The following PDZD2 variants were observed in gnomAD, a reference collection of about 807,000 sequenced individuals.
PDZD2 encodes the protein PDZ domain containing 2.
A neutral mutation model predicts 220.7 loss-of-function variants in PDZD2; 90 were observed. The ratio of observed to expected loss-of-function variants is 0.41; its 90% CI spans 0.34 to 0.49. The LOEUF (loss-of-function observed/expected upper bound fraction) is 0.49. Ranked by LOEUF, PDZD2 falls within the 20% of genes least tolerant of loss-of-function variation. The probability of loss-of-function intolerance (pLI) is 0.28; values close to 1 mark genes in which losing one functional copy is unlikely to be tolerated. For missense variants in PDZD2, 3,174 were observed against 3,608.5 expected (o/e 0.88, Z 3.08); for synonymous variants, 1,375 against 1,450.5 (o/e 0.95, Z 1.18).
intron 1 of PDZD2, among the ~76,000 whole-genome samples, chr5:31,758,454 G>GC (rs1393064349): frequency 6.6e-6 from 1 of 152,176 alleles, no homozygotes; most frequent in Non-Finnish European, 1.5e-5. Flanking sequence ...GCACGTCCAG[G>GC]CCCTACCCTG....
Position 32,010,499 on chromosome 5 carries a change from T to C in PDZD2, c.1407+17T>C. The C allele has an allele frequency of 1.3e-6, 2 of 1,588,818 alleles. No individual in the cohort carries two copies. The highest frequency in any genetic ancestry group is 1.7e-6 in the Non-Finnish European group (2 of 1,160,132). ...CAGAGAGCAGTAAGTGGCTCTGTGC[T>C]CCTGGCTTTCTGTTGGAATTACTTT... On this transcript the variant is annotated intron_variant, in intron 6 of 24. Coordinates refer to ENST00000438447, the MANE Select transcript of PDZD2 (RefSeq NM_178140.4).
chr5:31,656,959 A>G (rs1194973357), intron 1 of PDZD2, among the ~76,000 whole-genome samples: 1 of 152,168 alleles, frequency 6.6e-6, no homozygotes, highest in Admixed American at 6.5e-5. Context: ...AACCCGATAC[A>G]CTGGAGAAGG....
chr5:31,833,600 C>A (rs1756755919), intron 2 of PDZD2, among the ~76,000 whole-genome samples: 2 of 145,742 alleles, frequency 1.4e-5, no homozygotes, highest in African/African-American at 5.1e-5. Flanking sequence ...TGCGCCATTG[C>A]ACTCCAGCCT....
At chr5:31,893,778 A>G (rs1741277843) in intron 2 of PDZD2, among the ~76,000 whole-genome samples, 1 of 152,212 alleles carries the variant, frequency 6.6e-6, no homozygotes, top group South Asian at 2.1e-4. Context: ...TCTGTGTGCT[A>G]CAGTTACTAA....
At chr5:31,660,623 C>G (rs187185841) in intron 1 of PDZD2, among the ~76,000 whole-genome samples, 3 of 152,232 alleles carry the variant, frequency 2.0e-5, no homozygotes, top group Admixed American at 1.3e-4. Flanking sequence ...ATCATGAGAA[C>G]AGCAGCATGG....
chr5:32,015,378 C>G (rs2112109292), intron 6 of PDZD2, among the ~76,000 whole-genome samples: 1 of 152,278 alleles, frequency 6.6e-6, no homozygotes, highest in Non-Finnish European at 1.5e-5. Context: ...TCCTGAGTAG[C>G]TGGGAGTACA....
At chr5:31,723,576 G>C (rs1011509239) in intron 1 of PDZD2, among the ~76,000 whole-genome samples, 12 of 152,152 alleles carry the variant, frequency 7.9e-5, no homozygotes, top group East Asian at 3.9e-4. Flanking sequence ...CCTAGAGTGA[G>C]AGTGTTGTCT....
intron 17 of PDZD2, among the ~76,000 whole-genome samples, chr5:32,072,604 G>A (rs905357491): frequency 3.3e-5 from 5 of 152,148 alleles, no homozygotes; most frequent in Non-Finnish European, 4.4e-5. Context: ...GGTGGCACGC[G>A]CCTGTAATCC....
At chr5:31,798,688 G>A (rs1321813760) in intron 1 of PDZD2, among the ~76,000 whole-genome samples, 1 of 152,176 alleles carries the variant, frequency 6.6e-6, no homozygotes, top group Non-Finnish European at 1.5e-5. Context: ...GTGTTCCAGA[G>A]GCGTCTGTCT....
At chr5:31,949,673 T>C (rs1454526276) in intron 2 of PDZD2, among the ~76,000 whole-genome samples, 1 of 150,654 alleles carries the variant, frequency 6.6e-6, no homozygotes, top group Non-Finnish European at 1.5e-5. Context: ...TTTAGCTTTT[T>C]TTTTTTTTTT....
chr5:31,925,413 A>G (rs966525524), intron 2 of PDZD2, among the ~76,000 whole-genome samples: 2 of 152,212 alleles, frequency 1.3e-5, no homozygotes, highest in African/African-American at 4.8e-5. Context: ...AGCCATATGC[A>G]GAAGAATGAA....
At chr5:31,757,637 T>A (rs1346040783) in intron 1 of PDZD2, among the ~76,000 whole-genome samples, 1 of 151,226 alleles carries the variant, frequency 6.6e-6, no homozygotes, top group Non-Finnish European at 1.5e-5. Flanking sequence ...CAGTGGCTAG[T>A]GTGGCTAATT....
chr5:31,797,289 A>T (rs1328475705), intron 1 of PDZD2, among the ~76,000 whole-genome samples: 1 of 151,156 alleles, frequency 6.6e-6, no homozygotes, highest in Non-Finnish European at 1.5e-5. Flanking sequence ...AACTGTGACT[A>T]ACATCCTGAA....
At chr5:31,773,924 A>G (rs1172029828) in intron 1 of PDZD2, among the ~76,000 whole-genome samples, 2 of 152,186 alleles carry the variant, frequency 1.3e-5, no homozygotes, top group Non-Finnish European at 2.9e-5. Flanking sequence ...CCCGCTTTAC[A>G]GACATCAGGA....
intron 5 of PDZD2, among the ~76,000 whole-genome samples, chr5:32,008,982 C>T (rs183509950): frequency 2.0e-5 from 3 of 151,940 alleles, no homozygotes; most frequent in Non-Finnish European, 4.4e-5. Context: ...AGTATGGCAT[C>T]AGAGTGGGTT....
At chr5:31,869,867 C>A (rs1024539042) in intron 2 of PDZD2, among the ~76,000 whole-genome samples, 5 of 152,262 alleles carry the variant, frequency 3.3e-5, no homozygotes, top group South Asian at 2.1e-4. Context: ...AGGGGTGGGT[C>A]TGACCCCCTG....
intron 2 of PDZD2, among the ~76,000 whole-genome samples, chr5:31,930,962 AACTC>A (rs35754138): frequency 0.95 from 144,510 of 152,016 alleles, 68,765 homozygotes; most frequent in African/African-American, 0.99. Context: ...AGTGACAGGG[AACTC>A]ATTGGCATGA....
At chr5:31,834,369 G>C (rs1020913573) in intron 2 of PDZD2, among the ~76,000 whole-genome samples, 3 of 152,010 alleles carry the variant, frequency 2.0e-5, no homozygotes, top group African/African-American at 2.4e-5. Context: ...GCCTGAAGAG[G>C]GTTCCTGGAA....
At chr5:31,654,179 G>A (rs1304696494) in intron 1 of PDZD2, among the ~76,000 whole-genome samples, 1 of 152,164 alleles carries the variant, frequency 6.6e-6, no homozygotes, top group Non-Finnish European at 1.5e-5. Context: ...TCGTTGTTGT[G>A]AATGACATCC....
Sources: allele counts gnomAD v4.1 joint callset (sites outside exome capture counted in the v4.1 genomes callset), GRCh38; gene constraint gnomAD v4.1.1; transcripts MANE v1.5; gene names NCBI Gene and HGNC (gene_info 2026-07-23, HGNC 2026-07-21).